Variants in LAMC1 observed in about 807,000 individuals in gnomAD.
The protein encoded by LAMC1 is laminin subunit gamma-1.
In LAMC1, 38 loss-of-function variants were observed where a neutral mutation model predicts 173.6. The ratio of observed to expected loss-of-function variants is 0.22; its 90% confidence interval spans 0.17 to 0.29. LAMC1 has a LOEUF of 0.29. Ranked by LOEUF, LAMC1 falls within the 10% of genes least tolerant of loss-of-function variation. The probability of loss-of-function intolerance (pLI) is 1.00; values close to 1 mark genes in which losing one functional copy is unlikely to be tolerated. For missense variants in LAMC1, 1,824 were observed against 2,051.8 expected, an observed-to-expected ratio of 0.89 and a Z score of 2.14; for synonymous variants, 746 against 749.1, an observed-to-expected ratio of 1.00 and a Z score of 0.07.
intron 1 of LAMC1, among the ~76,000 whole-genome samples, chr1:183,028,968 T>A (rs1336367742): frequency 6.6e-6 from 1 of 152,228 alleles, no homozygotes; most frequent in Non-Finnish European, 1.5e-5. Context: ...CTCCTTGTTG[T>A]CTCACCCAAC....
At chr1:183,040,148 T>A (rs2102014331) in intron 1 of LAMC1, among the ~76,000 whole-genome samples, 1 of 152,350 alleles carries the variant, frequency 6.6e-6, no homozygotes, top group South Asian at 2.1e-4. Flanking sequence ...CATGCCTGAC[T>A]GAAGAGAACT....
intron 1 of LAMC1, among the ~76,000 whole-genome samples, chr1:183,066,049 C>T (rs1210748642): frequency 6.6e-6 from 1 of 152,158 alleles, no homozygotes; most frequent in Admixed American, 6.5e-5. Context: ...GCATTATTGT[C>T]ATAGTGATTA....
At chr1:183,025,818 CA>C (rs1433032280) in intron 1 of LAMC1, among the ~76,000 whole-genome samples, 1 of 152,174 alleles carries the variant, frequency 6.6e-6, no homozygotes, top group Non-Finnish European at 1.5e-5. Flanking sequence ...AATTACTGAA[CA>C]ACAGTCTCTT....
intron 1 of LAMC1, among the ~76,000 whole-genome samples, chr1:183,065,309 AT>A (rs1654849969): frequency 6.6e-6 from 1 of 152,168 alleles, no homozygotes; most frequent in Non-Finnish European, 1.5e-5. Context: ...ATAGAAAGAG[AT>A]TTAAGTAATT....
intron 1 of LAMC1, among the ~76,000 whole-genome samples, chr1:183,090,981 TC>T (rs1417112300): frequency 6.6e-6 from 1 of 152,146 alleles, no homozygotes; most frequent in East Asian, 1.9e-4. Context: ...AAAATCTCCA[TC>T]CCCTCCCCTA....
At chr1:183,074,460 A>T (rs557025110) in intron 1 of LAMC1, among the ~76,000 whole-genome samples, 2 of 152,338 alleles carry the variant, frequency 1.3e-5, no homozygotes, top group South Asian at 4.1e-4. Flanking sequence ...TGGTTTACTA[A>T]GTGTTCTGCC....
chr1:183,125,163 TAATGA>T (rs1323364780), intron 14 of LAMC1: 1 of 593,294 alleles, frequency 1.7e-6, no homozygotes, highest in East Asian at 2.8e-5. Context: ...TAAAAATTGT[TAATGA>T]AATATATGTT....
chr1:183,034,256 G>A (rs576992729), intron 1 of LAMC1, among the ~76,000 whole-genome samples: 1 of 152,184 alleles, frequency 6.6e-6, no homozygotes, highest in East Asian at 1.9e-4. Context: ...ACATTGACCT[G>A]TAGGCAAAAT....
At chr1:183,040,817 A>G (rs997495253) in intron 1 of LAMC1, among the ~76,000 whole-genome samples, 1 of 152,240 alleles carries the variant, frequency 6.6e-6, no homozygotes, top group African/African-American at 2.4e-5. Context: ...AGAAGAATGT[A>G]GGTTGCACTT....
At chr1:183,112,171 T>A (rs1406917873) in intron 4 of LAMC1, among the ~76,000 whole-genome samples, 3 of 152,232 alleles carry the variant, frequency 2.0e-5, no homozygotes, top group African/African-American at 7.2e-5. Flanking sequence ...TCCTAAGATT[T>A]GCAAGTAAAA....
chr1:183,045,838 C>CA (rs1654253135), intron 1 of LAMC1, among the ~76,000 whole-genome samples: 1 of 151,972 alleles, frequency 6.6e-6, no homozygotes, highest in African/African-American at 2.4e-5. Context: ...AAATTTTGAT[C>CA]ATTTGGTGGT....
intron 1 of LAMC1, among the ~76,000 whole-genome samples, chr1:183,043,330 G>A (rs1483747186): frequency 2.0e-5 from 3 of 152,140 alleles, no homozygotes; most frequent in Non-Finnish European, 4.4e-5. Context: ...GTCATGTATT[G>A]TTGTCACACA....
chr1:183,133,385 A>G (rs564813434), intron 21 of LAMC1, 21 bp from the exon 22 acceptor site: 4 of 1,600,336 alleles, frequency 2.5e-6, no homozygotes, highest in African/African-American at 1.3e-5. Context: ...TTGTCATTAA[A>G]CCACATTATT....
At chr1:183,048,631 C>T (rs1193644661) in intron 1 of LAMC1, among the ~76,000 whole-genome samples, 1 of 152,178 alleles carries the variant, frequency 6.6e-6, no homozygotes, top group Non-Finnish European at 1.5e-5. Context: ...TAGAGCTACA[C>T]ACATGTACAC....
intron 1 of LAMC1, among the ~76,000 whole-genome samples, chr1:183,035,802 T>TA (rs1469433884): frequency 1.3e-5 from 2 of 152,214 alleles, no homozygotes; most frequent in African/African-American, 4.8e-5. Flanking sequence ...TGTAACCAGA[T>TA]ACCCTATTCT....
intron 13 of LAMC1, among the ~76,000 whole-genome samples, 156 bp from the exon 14 acceptor site, chr1:183,124,475 C>T (rs1185626545): frequency 6.6e-6 from 1 of 152,208 alleles, no homozygotes; most frequent in Non-Finnish European, 1.5e-5. Context: ...GGTGGTCTGG[C>T]CCCGTGCCAG....
At chr1:183,108,464 T>A in intron 3 of LAMC1, 58 bp downstream of exon 3, 113 of 1,422,736 alleles carry the variant, frequency 7.9e-5, no homozygotes, top group Non-Finnish European at 1.0e-4. Context: ...TAGAGGTGAA[T>A]CTAGCAACTT....
At chr1:183,067,448 TTATA>T (rs1338008267) in intron 1 of LAMC1, among the ~76,000 whole-genome samples, 5 of 152,168 alleles carry the variant, frequency 3.3e-5, no homozygotes, top group African/African-American at 1.2e-4. Context: ...TGTTCTGTAC[TTATA>T]TATATAGATA....
chr1:183,114,173 G>A (rs909679009), intron 4 of LAMC1, among the ~76,000 whole-genome samples: 4 of 152,152 alleles, frequency 2.6e-5, no homozygotes, highest in Non-Finnish European at 5.9e-5. Context: ...AGGCTCAAGC[G>A]ATTCTCTTGC....
Sources: allele counts gnomAD v4.1 joint callset (sites outside exome capture counted in the v4.1 genomes callset), GRCh38; gene constraint gnomAD v4.1.1; transcripts MANE v1.5; gene names NCBI Gene and HGNC (gene_info 2026-07-23, HGNC 2026-07-21).